TMCO1: variants seen among roughly 807,000 people sequenced by gnomAD.
TMCO1 encodes transmembrane and coiled-coil domains 1.
Under a neutral mutation model 29.3 loss-of-function variants are expected in TMCO1, and 29 were observed. The observed-to-expected ratio is 0.99, with a 90% CI of 0.74 to 1.35. TMCO1 has a LOEUF of 1.35. TMCO1 is among the 40% of genes most tolerant of loss of function. TMCO1 has a pLI of 0.00. For synonymous variants in TMCO1, 80 were observed against 77.1 expected, an observed-to-expected ratio of 1.04 and a Z score of -0.20; for missense variants, 173 against 225.5, an observed-to-expected ratio of 0.77 and a Z score of 1.49.
chr1:165,726,768 T>C (rs761964429), downstream of TMCO1: 1 of 453,848 alleles, frequency 2.2e-6, no homozygotes, highest in Non-Finnish European at 4.4e-6. Context: ...CCTTGGAATA[T>C]AACCTTTAAT....
rs759505082 is a variant in TMCO1, at chr1:165,752,122, T to G, written c.303A>C (p.Leu101=). The G allele has an allele frequency of 1.2e-6, 2 of 1,613,438 alleles. No individual in the cohort carries two copies. The highest frequency in any genetic ancestry group is 1.7e-5 in the Admixed American group (1 of 59,992). Residue 101 remains leucine (L), a synonymous_variant, in exon 5 of 7, where the codon CTA becomes CTC. Transcript: ENST00000367881. ...MFAIGFCFTA[L]MGMFNSIFDG... is the part of the protein sequence containing the mutation. ...CTCACATGGAATTGAACATTCCCAT[T>G]AGGGCAGTAAAACAAAAGCCAATAG...
Position 165,768,783 on chromosome 1 carries a change from C to G in TMCO1, c.-32G>C. The G allele has an allele frequency of 6.2e-7, 1 of 1,613,948 alleles. No individual in the cohort carries two copies. Among genetic ancestry groups the G allele is most frequent in the Non-Finnish European group, 8.5e-7 (1 of 1,179,932 alleles). The stretch of plus-strand genomic sequence containing the variant: ...CCTTCGTCTCTGCACTCTCACCCGC[C>G]AGGGGGAAAGCGCTCTACAGCCAGG... On this transcript the variant is annotated 5_prime_UTR_variant, in exon 1 of 7. Transcript: ENST00000367881.
intron 6 of TMCO1, among the ~76,000 whole-genome samples, chr1:165,728,545 C>T (rs1022406375): frequency 1.3e-5 from 2 of 151,930 alleles, no homozygotes; most frequent in African/African-American, 4.8e-5. Flanking sequence ...AGGGAGTCAC[C>T]GCACCTGGCA....
intron 6 of TMCO1, among the ~76,000 whole-genome samples, chr1:165,729,555 G>T (rs1444180000): frequency 6.6e-6 from 1 of 151,936 alleles, no homozygotes; most frequent in Non-Finnish European, 1.5e-5. Flanking sequence ...CCTGACCTCA[G>T]GTGATCCGCC....
intron 6 of TMCO1, 79 bp downstream of exon 6, chr1:165,743,088 T>C (rs1434392476): frequency 6.5e-7 from 1 of 1,531,668 alleles, no homozygotes; most frequent in Non-Finnish European, 9.0e-7. Flanking sequence ...TAAACATTTC[T>C]AGTATTATAA....
At chr1:165,767,020 G>C (rs1391880812) in intron 2 of TMCO1, among the ~76,000 whole-genome samples, 1 of 152,146 alleles carries the variant, frequency 6.6e-6, no homozygotes, top group African/African-American at 2.4e-5. Context: ...GGAACAGTAA[G>C]CTGTAATTTT....
chr1:165,754,408 G>A, intron 3 of TMCO1, 134 bp from the exon 4 acceptor site: 1 of 700,188 alleles, frequency 1.4e-6, no homozygotes, highest in Admixed American at 2.3e-5. Flanking sequence ...AAAACACCTG[G>A]GATAGTATAC....
intron 6 of TMCO1, among the ~76,000 whole-genome samples, chr1:165,736,720 C>CAA (rs59372599): frequency 0.014 from 1,687 of 122,542 alleles, 32 homozygotes; most frequent in South Asian, 0.055. Context: ...GACTCCATCT[C>CAA]AAAAAAAAAA....
At chr1:165,748,659 T>C (rs1193987831) in intron 5 of TMCO1, among the ~76,000 whole-genome samples, 1 of 152,190 alleles carries the variant, frequency 6.6e-6, no homozygotes, top group Non-Finnish European at 1.5e-5. Context: ...TGGATGAGAA[T>C]GCTGCTTTCA....
In TMCO1 at chr1:165,743,318, GA is replaced by G. The variant is rs751227407; in HGVS notation, c.324-8del. 0.14 allele frequency: 161,407 copies of G among 1,155,014 alleles called. 93 individuals are homozygous for G. The highest frequency in any genetic ancestry group is 0.19 in the East Asian group (6,388 of 33,650). 71.5% of individuals were successfully genotyped at this position (1,155,014 alleles called of 1,614,324 possible). A position where few individuals can be genotyped will look rare whatever the true frequency, so the allele number is the denominator to read the frequency against. Reference sequence around the variant, plus strand: ...CACCACTCTACCATCAAATCTAAAAGAAAAAAAAAAAAAAAGAATTGTTATC... The same window carrying G: ...CACCACTCTACCATCAAATCTAAAAGAAAAAAAAAAAAAAGAATTGTTATC... On this transcript the variant is annotated splice_region_variant and splice_polypyrimidine_tract_variant and intron_variant, in intron 5 of 6. Transcript: ENST00000367881.
chr1:165,745,932 G>A (rs1651779302), intron 5 of TMCO1, among the ~76,000 whole-genome samples: 1 of 152,014 alleles, frequency 6.6e-6, no homozygotes, highest in Non-Finnish European at 1.5e-5. Context: ...CAAATAAAAA[G>A]CTATTGTTTG....
At chr1:165,733,600 A>G (rs1368415082) in intron 6 of TMCO1, among the ~76,000 whole-genome samples, 1 of 151,252 alleles carries the variant, frequency 6.6e-6, no homozygotes, top group African/African-American at 2.4e-5. Context: ...CATCTCAAAA[A>G]AAACAAAAAA....
chr1:165,760,665 G>C (rs188932718), intron 2 of TMCO1, among the ~76,000 whole-genome samples: 16 of 152,204 alleles, frequency 1.1e-4, no homozygotes, highest in Admixed American at 7.2e-4. Context: ...AGCTGGGCAT[G>C]TGGCGCGTGC....
chr1:165,759,427 T>C (rs537141706), intron 3 of TMCO1, 98 bp downstream of exon 3: 1 of 860,676 alleles, frequency 1.2e-6, no homozygotes, highest in South Asian at 1.5e-5. Flanking sequence ...ATCATAGAAA[T>C]GTGAGTTATC....
chr1:165,728,500 C>T (rs1166567635), intron 6 of TMCO1, among the ~76,000 whole-genome samples: 1 of 152,034 alleles, frequency 6.6e-6, no homozygotes, highest in African/African-American at 2.4e-5. Flanking sequence ...TCATGATCTG[C>T]CCACCTCGGC....
chr1:165,752,357 G>A (rs1338651387), intron 4 of TMCO1, among the ~76,000 whole-genome samples, 188 bp from the exon 5 acceptor site: 2 of 147,596 alleles, frequency 1.4e-5, no homozygotes, highest in South Asian at 2.2e-4. Context: ...CCGGGTTCAC[G>A]CCATTCCCTT....
chr1:165,731,426 T>C (rs1167546468), intron 6 of TMCO1, among the ~76,000 whole-genome samples: 7 of 152,190 alleles, frequency 4.6e-5, no homozygotes, highest in African/African-American at 1.7e-4. Context: ...CTGATAAACA[T>C]ATTTGTCTAG....
chr1:165,760,434 A>C (rs79441922), intron 2 of TMCO1, among the ~76,000 whole-genome samples: 2 of 3,460 alleles, frequency 5.8e-4, no homozygotes. Context: ...CTGTTTCTCA[A>C]AAAAAAAAAA....
intron 6 of TMCO1, among the ~76,000 whole-genome samples, chr1:165,739,169 T>A (rs958884782): frequency 6.6e-6 from 1 of 152,192 alleles, no homozygotes; most frequent in Non-Finnish European, 1.5e-5. Flanking sequence ...TGTACCAGTC[T>A]AGGATCTGCA....
Sources: allele counts gnomAD v4.1 joint callset (sites outside exome capture counted in the v4.1 genomes callset), GRCh38; gene constraint gnomAD v4.1.1; transcripts MANE v1.5; gene names NCBI Gene and HGNC (gene_info 2026-07-23, HGNC 2026-07-21).